SH3GL1: variants seen among roughly 807,000 people sequenced by gnomAD.
SH3GL1 encodes the protein SH3 domain containing GRB2 like 1, endophilin A2, also known as endophilin-A2.
A neutral mutation model predicts 48.8 loss-of-function variants in SH3GL1; 21 were observed. That is an observed-to-expected ratio of 0.43 (90% CI 0.30 to 0.62). The LOEUF (loss-of-function observed/expected upper bound fraction) is 0.62. Among genes scored for constraint, SH3GL1 ranks in the 20% least tolerant of loss-of-function variants. The pLI, the probability that SH3GL1 is intolerant of heterozygous loss-of-function variation, is 0.11. For synonymous variants in SH3GL1, 282 were observed against 217.5 expected, an observed-to-expected ratio of 1.30 and a Z score of -2.61; for missense variants, 454 against 503.0, an observed-to-expected ratio of 0.90 and a Z score of 0.93.
At chr19:4,388,281 T>C (rs1005947139) in intron 1 of SH3GL1, among the ~76,000 whole-genome samples, 5 of 152,290 alleles carry the variant, frequency 3.3e-5, no homozygotes, top group African/African-American at 4.8e-5. Context: ...GGGTTCAAGC[T>C]GAAGGACAGG....
At chr19:4,366,617 C>T (rs753190781) in intron 2 of SH3GL1, 44 bp from the exon 3 acceptor site, 2 of 1,561,622 alleles carry the variant, frequency 1.3e-6, no homozygotes, top group East Asian at 2.3e-5. Flanking sequence ...CCAGTGGGGG[C>T]CCAAGGCACA....
chr19:4,364,202 G>A lies in SH3GL1; in HGVS notation c.351C>T (p.Ala117=), dbSNP rs200021586. The change falls in exon 5 of 10, where the codon GCC becomes GCT. Residue 117 remains alanine, a synonymous_variant. Coordinates refer to ENST00000269886, the MANE Select transcript of SH3GL1 (RefSeq NM_003025.4). The stretch of plus-strand genomic sequence containing the variant: ...CTGCCAGGCGCTTCATGGACTCGCC[G>A]GCATCCAGCAATGCGTCACCTGTGG... ...ESNFGDALLD[A]GESMKRLAEV... is the part of the protein sequence containing the mutation. 1.6e-5 allele frequency: 26 copies of A among 1,613,860 alleles called. No homozygotes were observed. Among genetic ancestry groups the A allele is most frequent in the East Asian group, 6.7e-5 (3 of 44,890 alleles).
At chr19:4,385,805 G>A (rs1256893163) in intron 1 of SH3GL1, among the ~76,000 whole-genome samples, 1 of 152,196 alleles carries the variant, frequency 6.6e-6, no homozygotes, top group Admixed American at 6.5e-5. Flanking sequence ...AGGGCACAGC[G>A]CAGCATTCCA....
Position 4,360,441 on chromosome 19 carries a change from C to G in SH3GL1, c.*1159G>C. 1 of 238,892 alleles carries G rather than the reference C, an allele frequency of 4.2e-6. No individual in the cohort carries two copies. 14.8% of individuals were successfully genotyped at this position (238,892 alleles called of 1,614,324 possible). ...CATTTCAGTTTGCCCTGGACCGTGCCCAAAGCTGTGTGCTCATCTCTGCGC... is the reference window on the plus strand; with the variant it reads ...CATTTCAGTTTGCCCTGGACCGTGCGCAAAGCTGTGTGCTCATCTCTGCGC... On this transcript the variant is annotated 3_prime_UTR_variant, in exon 10 of 10. Transcript: ENST00000269886.
At chr19:4,396,906 C>A (rs147165233) in intron 1 of SH3GL1, among the ~76,000 whole-genome samples, 196 of 152,246 alleles carry the variant, frequency 1.3e-3, no homozygotes, top group Non-Finnish European at 2.3e-3. Context: ...GTCCCCTAAT[C>A]CTTTTGTGTA....
intron 1 of SH3GL1, among the ~76,000 whole-genome samples, chr19:4,379,818 C>A (rs1005876884): frequency 1.4e-4 from 22 of 152,186 alleles, no homozygotes; most frequent in African/African-American, 5.3e-4. Context: ...GCCGCTCTGC[C>A]TTGTGCTTAC....
intron 1 of SH3GL1, among the ~76,000 whole-genome samples, chr19:4,381,027 C>T (rs143377548): frequency 1.4e-4 from 21 of 151,840 alleles, no homozygotes; most frequent in African/African-American, 5.1e-4. Context: ...GTTTCCCCAC[C>T]GGCCTCCTCT....
intron 1 of SH3GL1, among the ~76,000 whole-genome samples, chr19:4,382,253 C>CTT (rs34085741): frequency 0.012 from 1,194 of 102,258 alleles, 19 homozygotes; most frequent in East Asian, 0.035. Context: ...GCTCCGCTTT[C>CTT]TTTTTTTTTT....
intron 1 of SH3GL1, among the ~76,000 whole-genome samples, chr19:4,383,422 C>T (rs1030202323): frequency 2.0e-5 from 3 of 151,754 alleles, no homozygotes; most frequent in East Asian, 1.9e-4. Context: ...TTTGTAGAGA[C>T]GGGGTTTCAC....
chr19:4,362,409 G>A (rs1451634797), intron 8 of SH3GL1, 24 bp from the exon 9 acceptor site: 1 of 1,605,336 alleles, frequency 6.2e-7, no homozygotes, highest in Non-Finnish European at 8.5e-7. Context: ...AAACGAGGAG[G>A]CTGTGGGCTC....
intron 2 of SH3GL1, 52 bp downstream of exon 2, chr19:4,366,874 G>T: frequency 6.4e-7 from 1 of 1,568,124 alleles, no homozygotes; most frequent in Non-Finnish European, 8.8e-7. Flanking sequence ...CCCGGCAGAG[G>T]TCAGGCCCCA....
chr19:4,366,474 G>C (rs1261455737), intron 3 of SH3GL1, 27 bp downstream of exon 3: 1 of 1,587,416 alleles, frequency 6.3e-7, no homozygotes, highest in Non-Finnish European at 8.6e-7. Context: ...GCCTGGGGCA[G>C]GCCCTGGCAG....
At chr19:4,384,243 C>T (rs1490336687) in intron 1 of SH3GL1, among the ~76,000 whole-genome samples, 3 of 152,182 alleles carry the variant, frequency 2.0e-5, no homozygotes, top group Non-Finnish European at 2.9e-5. Context: ...GCGCAGGAGC[C>T]CCCCAGTTCA....
rs970836288 is a variant in SH3GL1, at chr19:4,367,414, G to C, written c.46-420C>G. 1.3e-5 allele frequency among the ~76,000 whole-genome samples: 2 copies of C among 151,238 alleles called. No homozygotes were observed. Among genetic ancestry groups the C allele is most frequent in the Middle Eastern group, 3.2e-3 (1 of 316 alleles). ...ATCTGCCCCCATCCTTGAGTATGTG[G>C]GGTCTACTTAAAAAAAAAAATCCTG... is the stretch of plus-strand genomic sequence containing the variant. On this transcript the variant is annotated intron_variant, in intron 1 of 9. Transcript: ENST00000269886. The surrounding 1 kb of genome is among the most constrained non-coding windows in gnomAD (Gnocchi z 4.2).
At chr19:4,380,519 C>CT (rs1973099495) in intron 1 of SH3GL1, among the ~76,000 whole-genome samples, 2 of 152,244 alleles carry the variant, frequency 1.3e-5, no homozygotes, top group South Asian at 2.1e-4. Flanking sequence ...GGCTTGGAAA[C>CT]ATGCCCAGGA....
chr19:4,386,864 C>T (rs1973245376), intron 1 of SH3GL1, among the ~76,000 whole-genome samples: 1 of 152,226 alleles, frequency 6.6e-6, no homozygotes, highest in South Asian at 2.1e-4. Flanking sequence ...CACAGCGTGG[C>T]AGCTAACACA....
intron 1 of SH3GL1, chr19:4,390,488 G>C (rs1281640686): frequency 1.3e-5 from 2 of 152,442 alleles, no homozygotes; most frequent in African/African-American, 4.8e-5. Context: ...AGAAAGACAA[G>C]GGAAGAGTGA....
In SH3GL1 at chr19:4,369,294, C is replaced by T. The variant is rs1042954402; in HGVS notation, c.46-2300G>A. On this transcript the variant is annotated intron_variant, in intron 1 of 9. Coordinates refer to ENST00000269886, the MANE Select transcript of SH3GL1 (RefSeq NM_003025.4). Reference sequence around the variant, plus strand: ...ACAGTTTCACTTCTTTTGATTGTGGCGAGAGAGGGCGTGCTCAGAGCCAGC... The same window carrying T: ...ACAGTTTCACTTCTTTTGATTGTGGTGAGAGAGGGCGTGCTCAGAGCCAGC... Among the ~76,000 whole-genome samples, 5 of 152,294 alleles carry T rather than the reference C, an allele frequency of 3.3e-5. No individual in the cohort carries two copies. The East Asian group carries it at 5.8e-4, about 18-fold the overall frequency.
chr19:4,382,116 C>A (rs138338295), intron 1 of SH3GL1, among the ~76,000 whole-genome samples: 4 of 152,142 alleles, frequency 2.6e-5, no homozygotes, highest in Non-Finnish European at 4.4e-5. Context: ...AGAGGCCACC[C>A]ACATCCATTG....
Sources: allele counts gnomAD v4.1 joint callset (sites outside exome capture counted in the v4.1 genomes callset), GRCh38; gene constraint gnomAD v4.1.1; non-coding constraint Gnocchi (gnomAD v3.1); transcripts MANE v1.5; gene names NCBI Gene and HGNC (gene_info 2026-07-23, HGNC 2026-07-21).